Variants in SPOCK1 observed in about 807,000 individuals in gnomAD.
SPOCK1 encodes the protein SPARC (osteonectin), cwcv and kazal like domains proteoglycan 1.
Under a neutral mutation model 55.3 loss-of-function variants are expected in SPOCK1, and 23 were observed. The observed-to-expected ratio is 0.42, with a 90% confidence interval of 0.30 to 0.59. The LOEUF is 0.59. Ranked by LOEUF, SPOCK1 falls within the 20% of genes least tolerant of loss-of-function variation. The pLI, the probability that SPOCK1 is intolerant of heterozygous loss-of-function variation, is 0.22. For missense variants in SPOCK1, 499 were observed against 552.5 expected, an observed-to-expected ratio of 0.90 and a Z score of 0.97; for synonymous variants, 226 against 221.0, an observed-to-expected ratio of 1.02 and a Z score of -0.20.
At chr5:137,092,192 T>C (rs1349360722) in intron 5 of SPOCK1, among the ~76,000 whole-genome samples, 1 of 152,226 alleles carries the variant, frequency 6.6e-6, no homozygotes, top group Non-Finnish European at 1.5e-5. Context: ...TCCATGTTCA[T>C]AGTTTACTGG....
intron 2 of SPOCK1, among the ~76,000 whole-genome samples, chr5:137,282,510 G>A (rs1171335971): frequency 6.6e-6 from 1 of 152,236 alleles, no homozygotes; most frequent in Non-Finnish European, 1.5e-5. Context: ...AAATCCTGAT[G>A]GGCCCACACT....
chr5:137,203,949 G>A (rs556280498), intron 3 of SPOCK1, among the ~76,000 whole-genome samples: 1 of 152,328 alleles, frequency 6.6e-6, no homozygotes, highest in South Asian at 2.1e-4. Flanking sequence ...GAGGGGAAAA[G>A]TTGAATTCTC....
At chr5:137,143,071 A>G (rs1010226679) in intron 3 of SPOCK1, among the ~76,000 whole-genome samples, 2 of 152,106 alleles carry the variant, frequency 1.3e-5, no homozygotes, top group African/African-American at 4.8e-5. Flanking sequence ...ACACTTCCAC[A>G]CACCACAGGA....
intron 2 of SPOCK1, among the ~76,000 whole-genome samples, chr5:137,391,863 G>A (rs1451071237): frequency 6.6e-6 from 1 of 152,096 alleles, no homozygotes; most frequent in Non-Finnish European, 1.5e-5. Flanking sequence ...CAAAGGTCCT[G>A]GGCTTGGCTG....
intron 2 of SPOCK1, among the ~76,000 whole-genome samples, chr5:137,359,979 T>C (rs559338052): frequency 1.9e-4 from 29 of 152,298 alleles, no homozygotes; most frequent in African/African-American, 6.3e-4. Context: ...CCCTGACCAA[T>C]TCCATCTCCT....
chr5:137,252,588 T>C (rs776490004), intron 3 of SPOCK1, among the ~76,000 whole-genome samples: 1 of 152,220 alleles, frequency 6.6e-6, no homozygotes, highest in Non-Finnish European at 1.5e-5. Flanking sequence ...CCTCTTTCTC[T>C]TCCAGGGCAG....
chr5:137,373,193 G>A (rs896983335), intron 2 of SPOCK1, among the ~76,000 whole-genome samples: 2 of 152,164 alleles, frequency 1.3e-5, no homozygotes, highest in Non-Finnish European at 2.9e-5. Flanking sequence ...TTCTGTTATA[G>A]CAGCACAAAA....
chr5:137,076,607 T>TAAAAAAAAAAA (rs35285273), intron 5 of SPOCK1, among the ~76,000 whole-genome samples: 4 of 112,668 alleles, frequency 3.6e-5, no homozygotes, highest in Non-Finnish European at 5.6e-5. Context: ...GGACTGAAAG[T>TAAAAAAAAAAA]AAAAAAAAAA....
At chr5:137,187,275 C>T (rs1412607609) in intron 3 of SPOCK1, among the ~76,000 whole-genome samples, 1 of 152,198 alleles carries the variant, frequency 6.6e-6, no homozygotes, top group Non-Finnish European at 1.5e-5. Context: ...GCTTCTCCTC[C>T]TCCCCAGGGT....
chr5:137,128,389 T>C (rs755550080), intron 4 of SPOCK1, among the ~76,000 whole-genome samples: 24 of 152,232 alleles, frequency 1.6e-4, no homozygotes, highest in Non-Finnish European at 1.0e-4. Flanking sequence ...GCACATATGA[T>C]CCTGAAAACC....
intron 6 of SPOCK1, among the ~76,000 whole-genome samples, chr5:137,015,561 C>A (rs1751434417): frequency 6.6e-6 from 1 of 152,170 alleles, no homozygotes; most frequent in East Asian, 1.9e-4. Context: ...CAAATAGGAG[C>A]CTGAAGGAAT....
At chr5:137,066,022 C>T (rs1472930225) in intron 6 of SPOCK1, among the ~76,000 whole-genome samples, 1 of 152,192 alleles carries the variant, frequency 6.6e-6, no homozygotes, top group Non-Finnish European at 1.5e-5. Context: ...TCATGAGGCC[C>T]TCCCAGAAAC....
At chr5:137,040,711 G>A (rs1430939070) in intron 6 of SPOCK1, among the ~76,000 whole-genome samples, 3 of 152,134 alleles carry the variant, frequency 2.0e-5, no homozygotes, top group Non-Finnish European at 4.4e-5. Context: ...TGTTGTTGTT[G>A]TTAAAAACAA....
At chr5:137,247,288 C>T (rs772124364) in intron 3 of SPOCK1, among the ~76,000 whole-genome samples, 8 of 151,972 alleles carry the variant, frequency 5.3e-5, no homozygotes, top group Non-Finnish European at 1.2e-4. Flanking sequence ...GTTCTTGCAC[C>T]GAGAGCTGGA....
chr5:137,198,355 T>A (rs1029229936), intron 3 of SPOCK1, among the ~76,000 whole-genome samples: 4 of 152,382 alleles, frequency 2.6e-5, no homozygotes, highest in African/African-American at 9.6e-5. Context: ...ATGTATTTTT[T>A]AAAATTCTCA....
intron 2 of SPOCK1, among the ~76,000 whole-genome samples, chr5:137,446,561 T>C (rs1301908434): frequency 2.0e-5 from 3 of 152,120 alleles, no homozygotes; most frequent in Non-Finnish European, 4.4e-5. Flanking sequence ...ATGCACAGTA[T>C]GAGAAAATTG....
chr5:137,015,942 T>C (rs1751440555), intron 6 of SPOCK1, among the ~76,000 whole-genome samples: 1 of 152,126 alleles, frequency 6.6e-6, no homozygotes, highest in Non-Finnish European at 1.5e-5. Flanking sequence ...CTAGCCAGCG[T>C]AGAGAAGTGT....
intron 2 of SPOCK1, among the ~76,000 whole-genome samples, chr5:137,467,618 T>G (rs998850953): frequency 6.6e-6 from 1 of 152,154 alleles, no homozygotes; most frequent in Non-Finnish European, 1.5e-5. Context: ...ACAGGAAGAA[T>G]GTGATCTGCT....
chr5:137,163,707 C>A (rs1235444083), intron 3 of SPOCK1, among the ~76,000 whole-genome samples: 1 of 152,150 alleles, frequency 6.6e-6, no homozygotes, highest in Admixed American at 6.5e-5. Flanking sequence ...TGTCAGCCTT[C>A]AAGGCCTATT....
Sources: allele counts gnomAD v4.1 joint callset (sites outside exome capture counted in the v4.1 genomes callset), GRCh38; gene constraint gnomAD v4.1.1; transcripts MANE v1.5; gene names NCBI Gene and HGNC (gene_info 2026-07-23, HGNC 2026-07-21).